Variants in KLHDC4 observed in about 807,000 individuals in gnomAD.
KLHDC4 encodes the protein kelch domain containing 4.
Under a neutral mutation model 62.4 loss-of-function variants are expected in KLHDC4, and 90 were observed. The ratio of observed to expected loss-of-function variants is 1.44; its 90% CI spans 1.22 to 1.72. KLHDC4 has a LOEUF of 1.72. Among genes scored for constraint, KLHDC4 ranks in the 40% most tolerant of loss-of-function variants. KLHDC4 has a pLI of 0.00. For missense variants in KLHDC4, 1,025 were observed against 699.7 expected (o/e 1.47, Z -5.25); for synonymous variants, 386 against 284.4 (o/e 1.36, Z -3.59).
downstream of KLHDC4, among the ~76,000 whole-genome samples, chr16:87,702,840 C>T (rs1275108334): frequency 1.3e-5 from 2 of 152,232 alleles, no homozygotes; most frequent in Non-Finnish European, 2.9e-5. Context: ...CGTGCAATGA[C>T]AGAGAGAACT....
chr16:87,760,793 G>A (rs908567452), intron 2 of KLHDC4, among the ~76,000 whole-genome samples: 3 of 152,146 alleles, frequency 2.0e-5, no homozygotes, highest in Non-Finnish European at 4.4e-5. Flanking sequence ...AGCACTTTGG[G>A]AGGCCAAGGC....
chr16:87,764,156 C>T (rs144012066), intron 1 of KLHDC4, among the ~76,000 whole-genome samples: 88 of 152,322 alleles, frequency 5.8e-4, no homozygotes, highest in African/African-American at 1.9e-3. Flanking sequence ...GTATTACAGA[C>T]ACAGCTGAAT....
intron 7 of KLHDC4, among the ~76,000 whole-genome samples, chr16:87,716,286 T>G (rs2036964530): frequency 6.7e-6 from 1 of 148,492 alleles, no homozygotes; most frequent in Non-Finnish European, 1.5e-5. Context: ...GCTATGGTCT[T>G]GTAGATATTG....
exon 1 of KLHDC4, chr16:87,700,700 A>T: frequency 6.3e-6 from 1 of 157,512 alleles, no homozygotes; most frequent in Non-Finnish European, 1.1e-5. Flanking sequence ...CGGAGGGAGG[A>T]GGTTGGAGGG....
At chr16:87,751,365 T>G (rs1597342029) in intron 4 of KLHDC4, among the ~76,000 whole-genome samples, 2 of 151,916 alleles carry the variant, frequency 1.3e-5, no homozygotes, top group African/African-American at 2.4e-5. Context: ...ACCCAGCTAC[T>G]TGGGAGGCTG....
Position 87,726,780 on chromosome 16 carries a change from C to A in KLHDC4, c.744G>T (p.Gly248=), listed in dbSNP as rs368403914. 1.9e-6 allele frequency: 3 copies of A among 1,595,202 alleles called. No homozygotes were observed. The highest frequency in any genetic ancestry group is 1.4e-5 in the African/African-American group (1 of 73,308). ...VTPQGGIVVY[G]GYSKQRVKKD... ...CCCGCCTTACCTGTTTCGAGTAGCCCCCATAGACGACGATGCCGCCCTGGG... is the reference window on the plus strand; with the variant it reads ...CCCGCCTTACCTGTTTCGAGTAGCCACCATAGACGACGATGCCGCCCTGGG... Residue 248 remains glycine, a synonymous_variant, in exon 7 of 12, where the codon GGG becomes GGT. Transcript: ENST00000270583.
Position 87,709,434 on chromosome 16 carries a change from TGCGGG to T in KLHDC4, c.1273_1277del (p.Pro425ThrfsTer26). ...CGTTGGAGCGTGGACACGGCCCAGG[TGCGGG>T]GCTGCCGGCCTCCTCAAGGCTGTCT... On this transcript the variant is annotated frameshift_variant, in exon 10 of 12. Transcript: ENST00000270583. LOFTEE classifies it high-confidence loss of function. 2 of 1,612,740 alleles carry T rather than the reference TGCGGG, an allele frequency of 1.2e-6. No homozygotes were observed. The highest frequency in any genetic ancestry group is 1.7e-6 in the Non-Finnish European group (2 of 1,179,916).
intron 1 of KLHDC4, chr16:87,765,426 T>A (rs1164899667): frequency 2.0e-6 from 1 of 492,328 alleles, no homozygotes; most frequent in African/African-American, 1.9e-5. Context: ...CGGCTCAACC[T>A]CAGGTCTTCC....
At chr16:87,709,141 C>T in intron 10 of KLHDC4, 124 bp downstream of exon 10, 1 of 1,235,070 alleles carries the variant, frequency 8.1e-7, no homozygotes, top group Non-Finnish European at 1.1e-6. Context: ...GAGGCAGGAG[C>T]ACAGGCGAGA....
At chr16:87,764,214 C>G (rs2046279512) in intron 1 of KLHDC4, among the ~76,000 whole-genome samples, 1 of 152,192 alleles carries the variant, frequency 6.6e-6, no homozygotes, top group South Asian at 2.1e-4. Flanking sequence ...CAGACGCCCA[C>G]TTATTTTAAA....
chr16:87,728,094 C>T (rs967169756), intron 6 of KLHDC4, among the ~76,000 whole-genome samples: 2 of 151,990 alleles, frequency 1.3e-5, no homozygotes, highest in African/African-American at 2.4e-5. Context: ...GGCTGAGGCA[C>T]GAGAATAGTT....
chr16:87,748,069 T>C (rs943975425), intron 5 of KLHDC4, among the ~76,000 whole-genome samples: 1 of 152,244 alleles, frequency 6.6e-6, no homozygotes, highest in Non-Finnish European at 1.5e-5. Flanking sequence ...AAATAATTTA[T>C]ATGCAAACAT....
chr16:87,756,923 C>G (rs186242040), intron 2 of KLHDC4, among the ~76,000 whole-genome samples: 2 of 152,060 alleles, frequency 1.3e-5, no homozygotes, highest in African/African-American at 2.4e-5. Context: ...AAGCAATTCT[C>G]CTGCCTCAGC....
intron 4 of KLHDC4, among the ~76,000 whole-genome samples, chr16:87,751,149 T>C (rs1010945789): frequency 1.3e-5 from 2 of 152,156 alleles, no homozygotes; most frequent in African/African-American, 4.8e-5. Flanking sequence ...AACACATACA[T>C]GCACGCTCCA....
chr16:87,764,976 G>C, intron 1 of KLHDC4: 1 of 370,404 alleles, frequency 2.7e-6, no homozygotes, highest in South Asian at 1.9e-5. Context: ...CCTGATTCAG[G>C]ACATCTGGTC....
intron 4 of KLHDC4, among the ~76,000 whole-genome samples, chr16:87,750,585 G>T (rs1181325504): frequency 6.6e-6 from 1 of 152,218 alleles, no homozygotes; most frequent in African/African-American, 2.4e-5. Flanking sequence ...TCCACACAGG[G>T]CGCAGAGAGG....
chr16:87,735,299 C>CA (rs58357546), intron 5 of KLHDC4, among the ~76,000 whole-genome samples: 1,003 of 72,180 alleles, frequency 0.014, 5 homozygotes, highest in East Asian at 0.021. Flanking sequence ...GACTCCGTCT[C>CA]AAAAAAAAAA....
intron 2 of KLHDC4, 76 bp downstream of exon 2, chr16:87,761,873 C>G: frequency 2.2e-6 from 3 of 1,389,618 alleles, no homozygotes; most frequent in Non-Finnish European, 3.0e-6. Flanking sequence ...TTTACGAAAC[C>G]TGGTGCTATT....
At chr16:87,742,143 A>G (rs1391238762) in intron 5 of KLHDC4, among the ~76,000 whole-genome samples, 1 of 152,096 alleles carries the variant, frequency 6.6e-6, no homozygotes, top group Non-Finnish European at 1.5e-5. Context: ...CTCTCTCAGC[A>G]GCGGCCACAT....
Sources: gnomAD v4.1 joint callset for allele counts (sites outside exome capture counted in the v4.1 genomes callset) on GRCh38, gnomAD v4.1.1 for gene constraint, MANE v1.5 for transcripts, NCBI Gene and HGNC (gene_info 2026-07-23, HGNC 2026-07-21) for gene names.